CIRSR: variants seen among roughly 807,000 people sequenced by gnomAD.
The protein encoded by CIRSR is CBF1 (RBPJ) interacting corepressor 1.
At chr2:174,357,525 C>G in the CIRSR span, among the ~76,000 whole-genome samples, 4 of 152,150 alleles carry the variant, frequency 2.6e-5, no homozygotes, top group East Asian at 7.7e-4. Flanking sequence ...TAAAATAAAC[C>G]CCAACATTAT....
chr2:174,382,780 C>T, the CIRSR span, among the ~76,000 whole-genome samples: 1 of 151,588 alleles, frequency 6.6e-6, no homozygotes. Flanking sequence ...AAAAAAGATA[C>T]ACTAGGCTTT....
the CIRSR span, chr2:174,370,006 A>G: frequency 7.3e-7 from 1 of 1,365,414 alleles, no homozygotes; most frequent in Non-Finnish European, 9.8e-7. Context: ...TCAATTTGTA[A>G]CACAGCATCT....
chr2:174,391,710 G>T, the CIRSR span, among the ~76,000 whole-genome samples: 7 of 152,160 alleles, frequency 4.6e-5, no homozygotes, highest in Non-Finnish European at 8.8e-5. Flanking sequence ...GGCTGAAAGA[G>T]ATCAGATTTG....
At chr2:174,367,719 G>T in the CIRSR span, among the ~76,000 whole-genome samples, 2 of 138,802 alleles carry the variant, frequency 1.4e-5, no homozygotes, top group Non-Finnish European at 3.0e-5. Context: ...TCCAGCCTGG[G>T]CAAGAGAGAG....
At chr2:174,382,644 CA>C in the CIRSR span, among the ~76,000 whole-genome samples, 1 of 151,748 alleles carries the variant, frequency 6.6e-6, no homozygotes, top group African/African-American at 2.4e-5. Context: ...GTCTCAAAAA[CA>C]ACAATAGCAA....
chr2:174,349,863 G>A, the CIRSR span, among the ~76,000 whole-genome samples: 1 of 152,070 alleles, frequency 6.6e-6, no homozygotes. Context: ...ATAATCAGAT[G>A]AAAAATTAAT....
chr2:174,364,967 G>A, the CIRSR span, among the ~76,000 whole-genome samples: 12 of 152,104 alleles, frequency 7.9e-5, no homozygotes, highest in South Asian at 2.1e-4. Context: ...TTCTGTAGCC[G>A]GCTTGAATTT....
At chr2:174,381,502 A>G in the CIRSR span, among the ~76,000 whole-genome samples, 10 of 152,002 alleles carry the variant, frequency 6.6e-5, no homozygotes, top group Admixed American at 3.3e-4. Flanking sequence ...AAGATACAAA[A>G]ATTAGCCAGG....
chr2:174,361,151 G>A, the CIRSR span, among the ~76,000 whole-genome samples: 1 of 152,142 alleles, frequency 6.6e-6, no homozygotes, highest in Non-Finnish European at 1.5e-5. Context: ...TTATTTTGAG[G>A]TCAGTTCTTT....
At chr2:174,348,525 G>T in the CIRSR span, 2 of 1,613,238 alleles carry the variant, frequency 1.2e-6, no homozygotes, top group East Asian at 2.2e-5. Context: ...TTTAGTATGT[G>T]TACCTCCTGG....
the CIRSR span, among the ~76,000 whole-genome samples, chr2:174,389,729 G>A: frequency 2.6e-5 from 4 of 152,100 alleles, no homozygotes; most frequent in African/African-American, 9.7e-5. Flanking sequence ...CTAGGAGAAG[G>A]AAAAAAGTGG....
chr2:174,379,006 C>CA, the CIRSR span: 9 of 1,613,978 alleles, frequency 5.6e-6, no homozygotes, highest in Non-Finnish European at 7.6e-6. Context: ...GACATGACCC[C>CA]ATTTGTGACA....
At chr2:174,360,281 G>GT in the CIRSR span, among the ~76,000 whole-genome samples, 5 of 152,178 alleles carry the variant, frequency 3.3e-5, no homozygotes, top group East Asian at 9.6e-4. Flanking sequence ...GAGAGAGCTT[G>GT]TTTTTTGCCT....
chr2:174,376,269 T>C, the CIRSR span, among the ~76,000 whole-genome samples: 2 of 152,200 alleles, frequency 1.3e-5, no homozygotes, highest in Non-Finnish European at 2.9e-5. Flanking sequence ...TCAATTCATT[T>C]AGATAGAGAA....
chr2:174,364,925 T>C, the CIRSR span, among the ~76,000 whole-genome samples: 303 of 152,362 alleles, frequency 2.0e-3, no homozygotes, highest in Middle Eastern at 0.017. Flanking sequence ...GTCTTGGGGA[T>C]TAACATTCGG....
chr2:174,387,585 GT>G, the CIRSR span: 4 of 1,271,448 alleles, frequency 3.1e-6, no homozygotes, highest in Non-Finnish European at 4.3e-6. Flanking sequence ...CTATAATTGG[GT>G]ATTTGATTCC....
At chr2:174,391,435 C>T in the CIRSR span, among the ~76,000 whole-genome samples, 1 of 152,052 alleles carries the variant, frequency 6.6e-6, no homozygotes. Context: ...ACTAAAAATA[C>T]AAAAATTAGC....
chr2:174,352,990 C>CA, the CIRSR span, among the ~76,000 whole-genome samples: 1 of 152,160 alleles, frequency 6.6e-6, no homozygotes, highest in African/African-American at 2.4e-5. Flanking sequence ...AAGCAAAAGG[C>CA]AATCAGTTCA....
chr2:174,376,008 C>A, the CIRSR span, among the ~76,000 whole-genome samples: 2 of 152,150 alleles, frequency 1.3e-5, no homozygotes, highest in Non-Finnish European at 2.9e-5. Context: ...CAGGTGCAGA[C>A]CACCAAGCCC....
Sources: allele counts gnomAD v4.1 joint callset (sites outside exome capture counted in the v4.1 genomes callset), GRCh38; gene constraint gnomAD v4.1.1; transcripts MANE v1.5; gene names NCBI Gene and HGNC (gene_info 2026-07-23, HGNC 2026-07-21).